Variants in PARD3 observed in about 807,000 individuals in gnomAD.
The protein encoded by PARD3 is partitioning defective 3 homolog.
In PARD3, 75 loss-of-function variants were observed where a neutral mutation model predicts 155.4. The observed-to-expected ratio is 0.48, with a 90% confidence interval of 0.40 to 0.58. The LOEUF (loss-of-function observed/expected upper bound fraction) is 0.58, where lower values mean the gene tolerates loss of function less well. Among genes scored for constraint, PARD3 ranks in the 20% least tolerant of loss-of-function variants. The probability of loss-of-function intolerance (pLI) is 0.00; values close to 1 mark genes in which losing one functional copy is unlikely to be tolerated. For missense variants in PARD3, 1,642 were observed against 1,721.7 expected (o/e 0.95, Z 0.82); for synonymous variants, 576 against 610.5 (o/e 0.94, Z 0.83).
At chr10:34,467,949 C>T (rs544268421) in intron 4 of PARD3, among the ~76,000 whole-genome samples, 1 of 152,190 alleles carries the variant, frequency 6.6e-6, no homozygotes, top group South Asian at 2.1e-4. Context: ...GATTCAGTAG[C>T]ATGAGATTTT....
chr10:34,482,739 G>A (rs1057416187), intron 3 of PARD3, among the ~76,000 whole-genome samples: 8 of 152,106 alleles, frequency 5.3e-5, no homozygotes, highest in African/African-American at 1.9e-4. Flanking sequence ...GGAGATTGAA[G>A]CTGAGACCAG....
chr10:34,146,908 G>A (rs1329830954), intron 22 of PARD3, among the ~76,000 whole-genome samples: 3 of 152,118 alleles, frequency 2.0e-5, no homozygotes, highest in Admixed American at 6.6e-5. Context: ...CGTGCAAATC[G>A]ATACAAGTAA....
chr10:34,416,506 C>T lies in PARD3; in HGVS notation c.715-14589G>A, dbSNP rs563210160. ...TGAGAGGTTCTACAGTAACAGTGAG[C>T]AAACTCAGATCTTCATTAAGCACCT... On this transcript the variant is annotated intron_variant, in intron 5 of 24. Transcript: ENST00000374788. Among the ~76,000 whole-genome samples the T allele has an allele frequency of 1.2e-4, 19 of 152,292 alleles. No individual in the cohort carries two copies. The South Asian group carries it at 2.3e-3, about 18-fold the overall frequency.
At chr10:34,233,856 C>T (rs1953071194) in intron 22 of PARD3, among the ~76,000 whole-genome samples, 1 of 152,086 alleles carries the variant, frequency 6.6e-6, no homozygotes, top group African/African-American at 2.4e-5. Flanking sequence ...GCTGGATATT[C>T]ACCTACTGTC....
intron 7 of PARD3, among the ~76,000 whole-genome samples, chr10:34,395,402 A>C (rs902135534): frequency 2.6e-5 from 4 of 152,230 alleles, no homozygotes; most frequent in African/African-American, 9.6e-5. Context: ...TTCCAAGGTA[A>C]TGAAACGTTT....
chr10:34,113,496 AAC>A (rs58408464), intron 24 of PARD3, among the ~76,000 whole-genome samples: 29,619 of 147,520 alleles, frequency 0.2, 2,991 homozygotes, highest in Middle Eastern at 0.27. Flanking sequence ...ATAAGACAGA[AAC>A]ACACACACAC....
rs754629076 is a variant in PARD3, at chr10:34,317,099, C to T, written c.3065+8G>A. 9.9e-5 allele frequency: 153 copies of T among 1,544,168 alleles called. No homozygotes were observed. The highest frequency in any genetic ancestry group is 1.2e-4 in the Non-Finnish European group (141 of 1,144,570). On this transcript the variant is annotated splice_region_variant and intron_variant, in intron 20 of 24. Transcript: ENST00000374788. The stretch of plus-strand genomic sequence containing the variant: ...AGGAGATTCTGGTTTGGGATGGTAA[C>T]GACTTACCTGAACATGTCTCCCAAG...
chr10:34,128,874 C>T (rs974412464), intron 23 of PARD3, among the ~76,000 whole-genome samples: 1 of 152,020 alleles, frequency 6.6e-6, no homozygotes, highest in Non-Finnish European at 1.5e-5. Context: ...TTGGAAGGCT[C>T]ATTAAAAACC....
chr10:34,164,080 C>A (rs1017311748), intron 22 of PARD3, among the ~76,000 whole-genome samples: 9 of 151,914 alleles, frequency 5.9e-5, no homozygotes, highest in Non-Finnish European at 1.3e-4. Context: ...TGAAAGACAG[C>A]GAGTAGTAAA....
intron 3 of PARD3, among the ~76,000 whole-genome samples, chr10:34,508,840 T>A (rs935643103): frequency 6.6e-6 from 1 of 152,132 alleles, no homozygotes; most frequent in Non-Finnish European, 1.5e-5. Context: ...GGATCTGCAC[T>A]CAGGAGACAT....
chr10:34,366,634 CAACA>C (rs1375811566), intron 12 of PARD3, among the ~76,000 whole-genome samples: 2 of 152,058 alleles, frequency 1.3e-5, no homozygotes, highest in African/African-American at 4.8e-5. Flanking sequence ...TATACTTATT[CAACA>C]AACAGAGATT....
intron 22 of PARD3, among the ~76,000 whole-genome samples, chr10:34,184,700 T>TC (rs1268308175): frequency 6.7e-6 from 1 of 149,794 alleles, no homozygotes; most frequent in African/African-American, 2.5e-5. Flanking sequence ...GCCTTTCGGT[T>TC]TTTTTTTTTT....
chr10:34,446,356 C>T (rs78315116), intron 5 of PARD3, among the ~76,000 whole-genome samples: 1,779 of 152,188 alleles, frequency 0.012, 17 homozygotes, highest in Non-Finnish European at 0.016. Context: ...TATATTAATA[C>T]GTTGAGTATT....
chr10:34,678,952 GAA>G (rs1175669441), intron 2 of PARD3, among the ~76,000 whole-genome samples: 11 of 152,032 alleles, frequency 7.2e-5, no homozygotes, highest in Non-Finnish European at 1.5e-4. Context: ...AGAGGTCCCA[GAA>G]AAAGAGTAAT....
chr10:34,288,191 A>C (rs1045387322), intron 20 of PARD3, among the ~76,000 whole-genome samples: 6 of 152,218 alleles, frequency 3.9e-5, no homozygotes, highest in African/African-American at 1.2e-4. Flanking sequence ...AGCCTGGGTG[A>C]CAGAGTAAGA....
intron 20 of PARD3, among the ~76,000 whole-genome samples, chr10:34,316,193 T>C (rs919800036): frequency 5.3e-5 from 8 of 152,252 alleles, no homozygotes. Flanking sequence ...GGCTGTGCTG[T>C]ATGTTTTCAA....
Position 34,262,267 on chromosome 10 carries a change from A to T in PARD3, c.3419+7390T>A, listed in dbSNP as rs35445483. Among the ~76,000 whole-genome samples the T allele has an allele frequency of 4.4e-3, 664 of 150,782 alleles. 1 individual carries two copies. The highest frequency in any genetic ancestry group is 7.3e-3 in the Non-Finnish European group (493 of 67,632). On this transcript the variant is annotated intron_variant, in intron 22 of 24. Transcript: ENST00000374788. ...AAAGCCTATTACGGTTTTTTTTTTT[A>T]AATGTTTTTATTTTTTAGAGACGAG...
At chr10:34,480,629 A>G (rs2079014512) in intron 3 of PARD3, among the ~76,000 whole-genome samples, 1 of 152,124 alleles carries the variant, frequency 6.6e-6, no homozygotes, top group Non-Finnish European at 1.5e-5. Context: ...CTCTAGACAC[A>G]CACCCCAACA....
At chr10:34,289,115 C>T (rs1956547145) in intron 20 of PARD3, among the ~76,000 whole-genome samples, 1 of 151,910 alleles carries the variant, frequency 6.6e-6, no homozygotes, top group African/African-American at 2.4e-5. Flanking sequence ...TGCATGGTAC[C>T]TACCATGCTC....
Sources: gnomAD v4.1 joint callset for allele counts (sites outside exome capture counted in the v4.1 genomes callset) on GRCh38, gnomAD v4.1.1 for gene constraint, MANE v1.5 for transcripts, NCBI Gene and HGNC (gene_info 2026-07-23, HGNC 2026-07-21) for gene names.